Variants in KIRREL3 observed in about 807,000 individuals in gnomAD.
KIRREL3 encodes the protein kin of IRRE-like protein 3.
A neutral mutation model predicts 89.7 loss-of-function variants in KIRREL3; 36 were observed. The observed-to-expected ratio is 0.40, with a 90% CI of 0.31 to 0.53. KIRREL3 has a LOEUF of 0.53. Among genes scored for constraint, KIRREL3 ranks in the 20% least tolerant of loss-of-function variants. The pLI, the probability that KIRREL3 is intolerant of heterozygous loss-of-function variation, is 0.49. For synonymous variants in KIRREL3, 445 were observed against 441.4 expected (o/e 1.01, Z -0.10); for missense variants, 864 against 1,056.6 (o/e 0.82, Z 2.53).
At chr11:126,464,139 GT>G (rs1956640488) in intron 5 of KIRREL3, among the ~76,000 whole-genome samples, 1 of 152,138 alleles carries the variant, frequency 6.6e-6, no homozygotes, top group Non-Finnish European at 1.5e-5. Context: ...TTAGTAATTA[GT>G]TAAGGCTCTT....
intron 1 of KIRREL3, among the ~76,000 whole-genome samples, chr11:126,973,767 C>T (rs1022363411): frequency 6.6e-6 from 1 of 152,150 alleles, no homozygotes; most frequent in African/African-American, 2.4e-5. Context: ...ACAAAGTATG[C>T]ACTACACTGC....
At chr11:126,762,355 T>C (rs1592089243) in intron 1 of KIRREL3, among the ~76,000 whole-genome samples, 1 of 152,326 alleles carries the variant, frequency 6.6e-6, no homozygotes, top group Non-Finnish European at 1.5e-5. Flanking sequence ...CAACATTTAT[T>C]AGAACTAGTG....
At position 126,510,006 on chromosome 11, in the gene KIRREL3, AAAAAAAAAAAAAGAAAAAAGAAAAAAAG is replaced by A. The variant is rs1321620151; in HGVS notation, c.433+11281_433+11308del. Among the ~76,000 whole-genome samples the A allele has an allele frequency of 1.9e-3, 282 of 150,694 alleles. 1 individual carries two copies. Among genetic ancestry groups the A allele is most frequent in the African/African-American group, 6.3e-3 (260 of 41,124 alleles). The stretch of plus-strand genomic sequence containing the variant: ...GACTCCGTCTCAAAAAAAAAAAAAA[AAAAAAAAAAAAAGAAAAAAGAAAAAAAG>A]AAAAAAAAGAAAACACACACTGCTC... On this transcript the variant is annotated intron_variant, in intron 4 of 16. Transcript: ENST00000525144.
At chr11:126,599,301 G>T (rs959857767) in intron 1 of KIRREL3, among the ~76,000 whole-genome samples, 3 of 152,162 alleles carry the variant, frequency 2.0e-5, no homozygotes, top group East Asian at 1.9e-4. Flanking sequence ...TGTCTCAGCC[G>T]CATTGTCCCT....
Position 126,477,077 on chromosome 11 carries a change from C to T in KIRREL3, c.434-3611G>A, listed in dbSNP as rs545846147. Reference sequence around the variant, plus strand: ...GAAGCCTGGGGAGGACTGAGCGGATCCCAGGCAGAGTGGGTCCCCAGAGCT... The same window carrying T: ...GAAGCCTGGGGAGGACTGAGCGGATTCCAGGCAGAGTGGGTCCCCAGAGCT... On this transcript the variant is annotated intron_variant, in intron 4 of 16. Coordinates refer to ENST00000525144, the MANE Select transcript of KIRREL3 (RefSeq NM_032531.4). The surrounding 1 kb of genome is among the most constrained non-coding windows in gnomAD (Gnocchi z 4.8). Among the ~76,000 whole-genome samples the T allele has an allele frequency of 6.6e-6, 1 of 152,326 alleles. No individual in the cohort carries two copies. Among genetic ancestry groups the T allele is most frequent in the Non-Finnish European group, 1.5e-5 (1 of 68,030 alleles).
intron 1 of KIRREL3, among the ~76,000 whole-genome samples, chr11:126,938,081 C>T (rs1261820574): frequency 6.6e-6 from 1 of 152,142 alleles, no homozygotes; most frequent in African/African-American, 2.4e-5. Flanking sequence ...CAAATGAATC[C>T]CTACTTGTTT....
chr11:126,499,246 G>C (rs1957774313), intron 4 of KIRREL3, among the ~76,000 whole-genome samples: 1 of 151,680 alleles, frequency 6.6e-6, no homozygotes, highest in African/African-American at 2.4e-5. Context: ...GCTTTACCTA[G>C]GAGTCCCCTG....
At position 126,769,063 on chromosome 11, in the gene KIRREL3, G is replaced by A. The variant is rs368415423; in HGVS notation, c.56-206151C>T. ...GGCTGTCCCCTGGGGTCTCCTTTCC[G>A]CATCTTGTTTACCTGTCAGACTCCT... On this transcript the variant is annotated intron_variant, in intron 1 of 16. Transcript: ENST00000525144. The surrounding 1 kb of genome is among the most constrained non-coding windows in gnomAD (Gnocchi z 4.3). 2.6e-5 allele frequency among the ~76,000 whole-genome samples: 4 copies of A among 152,152 alleles called. No individual in the cohort carries two copies. Among genetic ancestry groups the A allele is most frequent in the Non-Finnish European group, 4.4e-5 (3 of 67,988 alleles).
Position 126,623,458 on chromosome 11 carries a change from A to G in KIRREL3, c.56-60546T>C, listed in dbSNP as rs114972365. Among the ~76,000 whole-genome samples the G allele has an allele frequency of 4.5e-3, 680 of 152,204 alleles. No individual in the cohort carries two copies. Among genetic ancestry groups the G allele is most frequent in the African/African-American group, 0.016 (658 of 41,526 alleles). ...TCCAAGTTCTTTGAAGGAAGGAACT[A>G]TGTTGGTATTCTGTGATGTACGCGG... On this transcript the variant is annotated intron_variant, in intron 1 of 16. Coordinates refer to ENST00000525144, the MANE Select transcript of KIRREL3 (RefSeq NM_032531.4). This position sits in a 1 kb window ranked among gnomAD's most constrained non-coding sequence, Gnocchi z 4.1.
In KIRREL3 at chr11:126,879,898, A is replaced by T. The variant is rs1395619398; in HGVS notation, c.55+120557T>A. Among the ~76,000 whole-genome samples the T allele has an allele frequency of 2.6e-5, 4 of 152,094 alleles. No individual in the cohort carries two copies. The highest frequency in any genetic ancestry group is 9.7e-5 in the African/African-American group (4 of 41,404). On this transcript the variant is annotated intron_variant, in intron 1 of 16. Coordinates refer to ENST00000525144, the MANE Select transcript of KIRREL3 (RefSeq NM_032531.4). The surrounding 1 kb of genome is among the most constrained non-coding windows in gnomAD (Gnocchi z 5.4). ...CTTTTGTGCTCCCATTTCAGAACAG[A>T]CCATTCCCCCACCACCCCGCCGCCA...
Position 126,491,189 on chromosome 11 carries a change from C to T in KIRREL3, c.434-17723G>A, listed in dbSNP as rs988229968. On this transcript the variant is annotated intron_variant, in intron 4 of 16. Coordinates refer to ENST00000525144, the MANE Select transcript of KIRREL3 (RefSeq NM_032531.4). This position sits in a 1 kb window ranked among gnomAD's most constrained non-coding sequence, Gnocchi z 5.5. ...CGAGTTGCACCTCCCCGGGCGTCAGCGTCTGCATCTGAAAGTGGGCATGGC... is the reference window on the plus strand; with the variant it reads ...CGAGTTGCACCTCCCCGGGCGTCAGTGTCTGCATCTGAAAGTGGGCATGGC... Among the ~76,000 whole-genome samples, 8 of 152,180 alleles carry T rather than the reference C, an allele frequency of 5.3e-5. No individual in the cohort carries two copies. Among genetic ancestry groups the T allele is most frequent in the Non-Finnish European group, 1.2e-4 (8 of 68,038 alleles).
intron 1 of KIRREL3, among the ~76,000 whole-genome samples, chr11:126,800,173 G>A (rs1026756300): frequency 2.6e-5 from 4 of 152,196 alleles, no homozygotes; most frequent in Non-Finnish European, 5.9e-5. Flanking sequence ...ATGTACTGGT[G>A]ATCTCAGGGA....
Position 126,843,313 on chromosome 11 carries a change from G to T in KIRREL3, c.55+157142C>A, listed in dbSNP as rs1340882658. Among the ~76,000 whole-genome samples the T allele has an allele frequency of 6.6e-6, 1 of 152,188 alleles. No individual in the cohort carries two copies. The highest frequency in any genetic ancestry group is 1.5e-5 in the Non-Finnish European group (1 of 68,040). On this transcript the variant is annotated intron_variant, in intron 1 of 16. Transcript: ENST00000525144. This position sits in a 1 kb window ranked among gnomAD's most constrained non-coding sequence, Gnocchi z 4.6. ...AGGGCTGGAGACAGGCTTTGATCTT[G>T]CCTCGAAGTCAAAGGCAATCTGGAA...
Position 126,782,709 on chromosome 11 carries a change from G to A in KIRREL3, c.55+217746C>T, listed in dbSNP as rs11220606. 0.25 allele frequency among the ~76,000 whole-genome samples: 37,674 copies of A among 152,068 alleles called. 4,736 individuals are homozygous for A. Among genetic ancestry groups the A allele is most frequent in the South Asian group, 0.3 (1,465 of 4,824 alleles). Reference sequence around the variant, plus strand: ...TCCAGATCCACGTGGTAATGAATTAGTGTTGGAGACATCAGTATGAACTTA... The same window carrying A: ...TCCAGATCCACGTGGTAATGAATTAATGTTGGAGACATCAGTATGAACTTA... On this transcript the variant is annotated intron_variant, in intron 1 of 16. Transcript: ENST00000525144. This position sits in a 1 kb window ranked among gnomAD's most constrained non-coding sequence, Gnocchi z 4.1.
rs1946493869 is a variant in KIRREL3 at position 126,904,408 on chromosome 11, G to A, written c.55+96047C>T. On this transcript the variant is annotated intron_variant, in intron 1 of 16. Transcript: ENST00000525144. The surrounding 1 kb of genome is among the most constrained non-coding windows in gnomAD (Gnocchi z 4.4). ...CTGCATCTCTGACTGCAATAAGACTGATCACTAGTGGGGATAGTGCAACTG... is the reference window on the plus strand; with the variant it reads ...CTGCATCTCTGACTGCAATAAGACTAATCACTAGTGGGGATAGTGCAACTG... 6.6e-6 allele frequency among the ~76,000 whole-genome samples: 1 copy of A among 152,196 alleles called. No individual in the cohort carries two copies. The highest frequency in any genetic ancestry group is 2.1e-4 in the South Asian group (1 of 4,832).
At chr11:126,469,399 G>C (rs1246338781) in intron 5 of KIRREL3, among the ~76,000 whole-genome samples, 1 of 152,126 alleles carries the variant, frequency 6.6e-6, no homozygotes, top group Non-Finnish European at 1.5e-5. Flanking sequence ...CTCTGGGGAA[G>C]TCAGGAGTGC....
In KIRREL3 at chr11:126,860,404, G is replaced by A. The variant is rs189974247; in HGVS notation, c.55+140051C>T. Among the ~76,000 whole-genome samples the A allele has an allele frequency of 1.7e-3, 264 of 152,290 alleles. 2 individuals carry two copies. The highest frequency in any genetic ancestry group is 6.1e-3 in the African/African-American group (255 of 41,558). ...GAAAAGCTGGGAAAGTTATAGAAGTGATATTTAAGAGCCTCAGGTGTTGGG... is the reference window on the plus strand; with the variant it reads ...GAAAAGCTGGGAAAGTTATAGAAGTAATATTTAAGAGCCTCAGGTGTTGGG... On this transcript the variant is annotated intron_variant, in intron 1 of 16. Coordinates refer to ENST00000525144, the MANE Select transcript of KIRREL3 (RefSeq NM_032531.4). The surrounding 1 kb of genome is among the most constrained non-coding windows in gnomAD (Gnocchi z 4.6).
chr11:126,847,863 A>G (rs1025549336), intron 1 of KIRREL3, among the ~76,000 whole-genome samples: 1 of 152,184 alleles, frequency 6.6e-6, no homozygotes, highest in African/African-American at 2.4e-5. Flanking sequence ...ACTTATGGCA[A>G]TATAGTTATT....
At chr11:126,581,617 A>G (rs984052887) in intron 1 of KIRREL3, among the ~76,000 whole-genome samples, 2 of 151,996 alleles carry the variant, frequency 1.3e-5, no homozygotes, top group Non-Finnish European at 2.9e-5. Flanking sequence ...GAATACATCA[A>G]TGAATTAACA....
Sources: gnomAD v4.1 joint callset for allele counts (sites outside exome capture counted in the v4.1 genomes callset) on GRCh38, gnomAD v4.1.1 for gene constraint, Gnocchi (gnomAD v3.1) non-coding constraint, MANE v1.5 for transcripts, NCBI Gene and HGNC (gene_info 2026-07-23, HGNC 2026-07-21) for gene names.